LRBA: variants seen among roughly 807,000 people sequenced by gnomAD.
LRBA encodes the protein LPS responsive beige-like anchor protein, also known as lipopolysaccharide-responsive and beige-like anchor protein.
A neutral mutation model predicts 330.0 loss-of-function variants in LRBA; 176 were observed. That is an observed-to-expected ratio of 0.53 (90% CI 0.47 to 0.60). LRBA has a LOEUF of 0.60. Among genes scored for constraint, LRBA ranks in the 20% least tolerant of loss-of-function variants. LRBA has a pLI of 0.00. For missense variants in LRBA, 3,259 were observed against 3,444.8 expected, an observed-to-expected ratio of 0.95 and a Z score of 1.35; for synonymous variants, 1,230 against 1,193.0, an observed-to-expected ratio of 1.03 and a Z score of -0.64.
Position 150,384,289 on chromosome 4 carries a change from C to A in LRBA, c.7194+31149G>T, listed in dbSNP as rs1054146693. Among the ~76,000 whole-genome samples the A allele has an allele frequency of 5.9e-5, 9 of 152,186 alleles. No homozygotes were observed. The South Asian group carries it at 1.9e-3, about 32-fold the overall frequency. ...CCGACCTCAGGTGATCCGCCCACCT[C>A]AGCTTCCCAAAGTGCTGGGATTACA... On this transcript the variant is annotated intron_variant, in intron 47 of 56. Transcript: ENST00000651943.
intron 37 of LRBA, among the ~76,000 whole-genome samples, chr4:150,610,321 G>T (rs1205121896): frequency 2.0e-5 from 3 of 152,156 alleles, no homozygotes; most frequent in Non-Finnish European, 4.4e-5. Flanking sequence ...CAGGTGTGGT[G>T]GCTCACGCCT....
At chr4:150,949,685 C>T (rs60850361) in intron 2 of LRBA, among the ~76,000 whole-genome samples, 4,576 of 152,070 alleles carry the variant, frequency 0.03, 168 homozygotes, top group East Asian at 0.19. Flanking sequence ...CCAATTATTT[C>T]CCATTGAAAA....
rs1422405886 is a variant in LRBA, at chr4:150,420,466, T to A, written c.7042-4876A>T. The stretch of plus-strand genomic sequence containing the variant: ...ACATATATAATATATAAAGTATATA[T>A]AATACACATTATAATATATATAAAG... On this transcript the variant is annotated intron_variant, in intron 46 of 56. Coordinates refer to ENST00000651943, the MANE Select transcript of LRBA (RefSeq NM_001364905.1). Among the ~76,000 whole-genome samples, 84 of 86,718 alleles carry A rather than the reference T, an allele frequency of 9.7e-4. 9 individuals carry two copies. Among genetic ancestry groups the A allele is most frequent in the African/African-American group, 3.4e-3 (81 of 23,712 alleles). 56.9% of individuals were successfully genotyped at this position (86,718 alleles called of 152,430 possible).
At chr4:150,520,647 C>T (rs1762830074) in intron 40 of LRBA, among the ~76,000 whole-genome samples, 1 of 152,094 alleles carries the variant, frequency 6.6e-6, no homozygotes, top group Admixed American at 6.6e-5. Flanking sequence ...AACATGGATA[C>T]AGCTAGAGGT....
chr4:150,354,610 T>C (rs539645651), intron 47 of LRBA, among the ~76,000 whole-genome samples: 18 of 152,258 alleles, frequency 1.2e-4, no homozygotes, highest in Non-Finnish European at 1.9e-4. Flanking sequence ...TGTCCAATTG[T>C]TAAGGATCAG....
At chr4:150,902,573 T>C (rs898967320) in intron 13 of LRBA, among the ~76,000 whole-genome samples, 7 of 152,186 alleles carry the variant, frequency 4.6e-5, no homozygotes, top group Non-Finnish European at 1.0e-4. Context: ...ACATAGGGCA[T>C]ACACCAAGCA....
Position 150,504,014 on chromosome 4 carries a change from A to G in LRBA, c.6331-12979T>C, listed in dbSNP as rs562376715. Among the ~76,000 whole-genome samples the G allele has an allele frequency of 6.6e-5, 10 of 152,342 alleles. No homozygotes were observed. The South Asian group carries it at 1.9e-3, about 28-fold the overall frequency. ...TCAGTGATGGAAGACAAAACGAATG[A>G]CACGAAGCAAGAAGAGAAGTTTAGA... On this transcript the variant is annotated intron_variant, in intron 40 of 56. Transcript: ENST00000651943.
chr4:150,759,736 ATCTT>A (rs1211914351), intron 35 of LRBA, among the ~76,000 whole-genome samples: 1 of 152,160 alleles, frequency 6.6e-6, no homozygotes, highest in African/African-American at 2.4e-5. Flanking sequence ...GAAAAAAAGA[ATCTT>A]TATCTATTTT....
intron 36 of LRBA, among the ~76,000 whole-genome samples, chr4:150,722,023 G>A (rs563174201): frequency 8.5e-5 from 13 of 152,216 alleles, no homozygotes; most frequent in African/African-American, 1.7e-4. Context: ...CAATTCCTAC[G>A]GGGCAGTTAT....
chr4:150,877,209 G>A (rs1754140437), intron 17 of LRBA, among the ~76,000 whole-genome samples: 1 of 148,380 alleles, frequency 6.7e-6, no homozygotes, highest in African/African-American at 2.5e-5. Flanking sequence ...AGTGAGCAGA[G>A]ATCGCGCCAC....
chr4:150,452,817 C>T (rs905085016), intron 44 of LRBA, among the ~76,000 whole-genome samples: 1 of 151,906 alleles, frequency 6.6e-6, no homozygotes, highest in Admixed American at 6.6e-5. Context: ...GTATAAAGTC[C>T]CAAAAAGTCT....
chr4:150,956,699 C>A (rs561314359), intron 2 of LRBA, among the ~76,000 whole-genome samples: 1 of 149,152 alleles, frequency 6.7e-6, no homozygotes, highest in Admixed American at 6.6e-5. Flanking sequence ...GAGATTTATT[C>A]CAGGAATGCA....
At chr4:150,593,793 A>G (rs750261629) in intron 38 of LRBA, among the ~76,000 whole-genome samples, 8 of 152,174 alleles carry the variant, frequency 5.3e-5, no homozygotes, top group Non-Finnish European at 1.0e-4. Flanking sequence ...ATGTGAAAGG[A>G]AAAAAGAAGA....
intron 51 of LRBA, among the ~76,000 whole-genome samples, chr4:150,313,887 T>C (rs1455108454): frequency 6.6e-6 from 1 of 150,534 alleles, no homozygotes; most frequent in Non-Finnish European, 1.5e-5. Flanking sequence ...TTATATAATA[T>C]TTTAAATAAT....
chr4:150,279,785 T>A lies in LRBA; in HGVS notation c.8317-1781A>T, dbSNP rs1233016970. Among the ~76,000 whole-genome samples, 4 of 152,326 alleles carry A rather than the reference T, an allele frequency of 2.6e-5. No individual in the cohort carries two copies. In the South Asian group the frequency reaches 8.3e-4, roughly 32 times the overall value. Reference sequence around the variant, plus strand: ...TTTTCAAGATGAGCAAAAATCAGTATCCTTTTCCCCCACTCATTTCACAAA... The same window carrying A: ...TTTTCAAGATGAGCAAAAATCAGTAACCTTTTCCCCCACTCATTTCACAAA... On this transcript the variant is annotated intron_variant, in intron 55 of 56. Coordinates refer to ENST00000651943, the MANE Select transcript of LRBA (RefSeq NM_001364905.1).
intron 40 of LRBA, among the ~76,000 whole-genome samples, chr4:150,572,271 T>A (rs1309144338): frequency 6.6e-6 from 1 of 152,144 alleles, no homozygotes; most frequent in East Asian, 1.9e-4. Flanking sequence ...AACTGCTTAG[T>A]GCCATTTACA....
chr4:150,589,158 A>G (rs1338037600), intron 39 of LRBA, among the ~76,000 whole-genome samples: 1 of 152,152 alleles, frequency 6.6e-6, no homozygotes, highest in Non-Finnish European at 1.5e-5. Flanking sequence ...AGAAAACAGC[A>G]TAAGAGAAGA....
intron 34 of LRBA, among the ~76,000 whole-genome samples, chr4:150,793,269 C>CT (rs1232519881): frequency 7.2e-5 from 11 of 152,050 alleles, no homozygotes; most frequent in African/African-American, 2.7e-4. Context: ...CACCACTGAA[C>CT]TCCAGCCTGG....
At chr4:150,720,337 T>C (rs1466060222) in intron 36 of LRBA, among the ~76,000 whole-genome samples, 1 of 152,082 alleles carries the variant, frequency 6.6e-6, no homozygotes, top group Non-Finnish European at 1.5e-5. Flanking sequence ...AAGAAAATTA[T>C]TCATGATTAT....
Sources: allele counts gnomAD v4.1 joint callset (sites outside exome capture counted in the v4.1 genomes callset), GRCh38; gene constraint gnomAD v4.1.1; transcripts MANE v1.5; gene names NCBI Gene and HGNC (gene_info 2026-07-23, HGNC 2026-07-21).